Variants in TRIM61 observed in about 807,000 individuals in gnomAD.
The protein encoded by TRIM61 is putative tripartite motif-containing protein 61.
In TRIM61, 1 loss-of-function variant was observed where a neutral mutation model predicts 14.2. That is an observed-to-expected ratio of 0.07 (90% CI 0.03 to 0.33). The LOEUF (loss-of-function observed/expected upper bound fraction) is 0.33, where lower values mean the gene tolerates loss of function less well. Among genes scored for constraint, TRIM61 ranks in the 10% least tolerant of loss-of-function variants. TRIM61 has a pLI of 0.99. For missense variants in TRIM61, 19 were observed against 202.2 expected (o/e 0.09, Z 5.49); for synonymous variants, 8 against 71.6 (o/e 0.11, Z 4.49).
chr4:164,966,634 T>C (rs994178341), intron 3 of TRIM61, among the ~76,000 whole-genome samples: 1 of 152,194 alleles, frequency 6.6e-6, no homozygotes, highest in African/African-American at 2.4e-5. Context: ...ACTTTGGGGC[T>C]GGGTGCAGTG....
At chr4:164,973,174 T>C (rs1452095816) in intron 2 of TRIM61, among the ~76,000 whole-genome samples, 1 of 152,186 alleles carries the variant, frequency 6.6e-6, no homozygotes, top group Non-Finnish European at 1.5e-5. Flanking sequence ...ATCTTCCATA[T>C]AGTCACAGGT....
intron 2 of TRIM61, among the ~76,000 whole-genome samples, chr4:164,976,070 G>GT (rs1323077206): frequency 6.6e-6 from 1 of 152,180 alleles, no homozygotes; most frequent in Non-Finnish European, 1.5e-5. Context: ...TGCACGTCCA[G>GT]TCATAGTACT....
chr4:164,971,469 T>C (rs1306915049), intron 2 of TRIM61, among the ~76,000 whole-genome samples: 1 of 151,874 alleles, frequency 6.6e-6, no homozygotes, highest in East Asian at 2.0e-4. Flanking sequence ...CACATGCCTA[T>C]AATCCCAGCT....
intron 3 of TRIM61, chr4:164,968,843 C>T (rs1329710026): frequency 3.0e-5 from 30 of 986,208 alleles, no homozygotes; most frequent in Non-Finnish European, 3.6e-5. Flanking sequence ...CCAAATTCCC[C>T]ATAATCCATC....
intron 3 of TRIM61, among the ~76,000 whole-genome samples, chr4:164,966,217 T>C (rs1177725101): frequency 6.6e-6 from 1 of 152,164 alleles, no homozygotes; most frequent in African/African-American, 2.4e-5. Flanking sequence ...ATACAAAGCA[T>C]ACTGAAGGTC....
chr4:164,961,544 C>A (rs749995299), intron 3 of TRIM61, among the ~76,000 whole-genome samples: 5 of 147,816 alleles, frequency 3.4e-5, no homozygotes, highest in Non-Finnish European at 6.0e-5. Context: ...GAAATGATGG[C>A]AAAAATAAAT....
intron 3 of TRIM61, among the ~76,000 whole-genome samples, chr4:164,962,597 C>T (rs921021540): frequency 2.0e-5 from 3 of 151,016 alleles, no homozygotes; most frequent in Non-Finnish European, 2.9e-5. Context: ...AATTCTATAA[C>T]CAATTAGCAT....
intron 3 of TRIM61, among the ~76,000 whole-genome samples, chr4:164,956,513 G>A (rs1194431512): frequency 6.6e-6 from 1 of 152,168 alleles, no homozygotes; most frequent in Non-Finnish European, 1.5e-5. Flanking sequence ...TGCCAATGGA[G>A]TAAATTCCCA....
At chr4:164,964,394 A>C (rs1579145261) in intron 3 of TRIM61, among the ~76,000 whole-genome samples, 1 of 151,984 alleles carries the variant, frequency 6.6e-6, no homozygotes, top group East Asian at 1.9e-4. Flanking sequence ...GGAGATGGAG[A>C]GCTTTTAAAT....
intron 2 of TRIM61, among the ~76,000 whole-genome samples, chr4:164,973,601 G>A (rs959485560): frequency 6.6e-6 from 1 of 152,130 alleles, no homozygotes; most frequent in Non-Finnish European, 1.5e-5. Flanking sequence ...CATGTACTTG[G>A]TCAAGTTAAT....
intron 2 of TRIM61, among the ~76,000 whole-genome samples, chr4:164,973,987 T>C (rs946921087): frequency 3.9e-5 from 6 of 152,204 alleles, no homozygotes; most frequent in African/African-American, 1.2e-4. Flanking sequence ...CTGGCCAACA[T>C]GGTAAAACCT....
chr4:164,959,781 T>G (rs915019636), intron 3 of TRIM61, among the ~76,000 whole-genome samples: 1 of 152,156 alleles, frequency 6.6e-6, no homozygotes, highest in African/African-American at 2.4e-5. Context: ...ATAACAAACT[T>G]CAAACTCTGC....
chr4:164,966,747 T>C (rs1732251088), intron 3 of TRIM61, among the ~76,000 whole-genome samples: 1 of 152,056 alleles, frequency 6.6e-6, no homozygotes, highest in Non-Finnish European at 1.5e-5. Flanking sequence ...ACCCCATCTC[T>C]ACTAAAAATA....
chr4:164,961,032 A>G (rs1489106017), intron 3 of TRIM61, among the ~76,000 whole-genome samples: 3 of 151,888 alleles, frequency 2.0e-5, no homozygotes, highest in Admixed American at 1.3e-4. Flanking sequence ...AAAGAAACAA[A>G]AAACAAAAAT....
chr4:164,973,706 T>C (rs1445807603), intron 2 of TRIM61, among the ~76,000 whole-genome samples: 1 of 152,250 alleles, frequency 6.6e-6, no homozygotes, highest in East Asian at 1.9e-4. Flanking sequence ...GTCACAGTCC[T>C]TGGCATTTAA....
At chr4:164,963,692 C>T (rs970011513) in intron 3 of TRIM61, among the ~76,000 whole-genome samples, 1 of 150,156 alleles carries the variant, frequency 6.7e-6, no homozygotes, top group African/African-American at 2.5e-5. Context: ...TGTAGTAAGC[C>T]GAGATTGTGC....
chr4:164,961,314 A>G (rs1457986750), intron 3 of TRIM61, among the ~76,000 whole-genome samples: 1 of 151,888 alleles, frequency 6.6e-6, no homozygotes, highest in Admixed American at 6.6e-5. Flanking sequence ...TGGAAATGCT[A>G]GCAATGAAAA....
intron 3 of TRIM61, among the ~76,000 whole-genome samples, chr4:164,963,263 G>T (rs537639916): frequency 8.5e-5 from 13 of 152,198 alleles, no homozygotes; most frequent in African/African-American, 3.1e-4. Context: ...CAGTTTTGAA[G>T]TCCATGGTGG....
chr4:164,975,122 T>C (rs1222164236), intron 2 of TRIM61, among the ~76,000 whole-genome samples: 1 of 151,778 alleles, frequency 6.6e-6, no homozygotes, highest in African/African-American at 2.4e-5. Flanking sequence ...TCCCAGCTAC[T>C]TGGGAAGCTA....
Sources: gnomAD v4.1 joint callset for allele counts (sites outside exome capture counted in the v4.1 genomes callset) on GRCh38, gnomAD v4.1.1 for gene constraint, MANE v1.5 for transcripts, NCBI Gene and HGNC (gene_info 2026-07-23, HGNC 2026-07-21) for gene names.